The following RSPO2 variants were observed in gnomAD, a reference collection of about 807,000 sequenced individuals.
RSPO2 encodes the protein R-spondin-2.
Under a neutral mutation model 30.9 loss-of-function variants are expected in RSPO2, and 14 were observed. That is an observed-to-expected ratio of 0.45 (90% CI 0.30 to 0.71). The LOEUF (loss-of-function observed/expected upper bound fraction) is 0.71, where lower values mean the gene tolerates loss of function less well. RSPO2 is among the 30% of genes least tolerant of loss of function. The pLI, the probability that RSPO2 is intolerant of heterozygous loss-of-function variation, is 0.08. For synonymous variants in RSPO2, 107 were observed against 96.4 expected (o/e 1.11, Z -0.64); for missense variants, 264 against 301.9 (o/e 0.87, Z 0.93).
intron 2 of RSPO2, among the ~76,000 whole-genome samples, chr8:108,078,155 TAAAG>T (rs1011055284): frequency 4.6e-5 from 7 of 152,056 alleles, no homozygotes; most frequent in Non-Finnish European, 8.8e-5. Flanking sequence ...TAAAAGCAAA[TAAAG>T]AAAGCCCAGG....
chr8:107,987,274 T>C (rs1283581390), intron 3 of RSPO2, among the ~76,000 whole-genome samples: 1 of 152,184 alleles, frequency 6.6e-6, no homozygotes, highest in African/African-American at 2.4e-5. Context: ...ATAATAGCCT[T>C]CCTTTACTTT....
chr8:107,995,757 A>T (rs1037254074), intron 2 of RSPO2, among the ~76,000 whole-genome samples: 34 of 151,988 alleles, frequency 2.2e-4, no homozygotes, highest in African/African-American at 8.2e-4. Context: ...CACCTTTGTC[A>T]TTTCCATGAA....
chr8:107,996,288 G>A (rs985675004), intron 2 of RSPO2, among the ~76,000 whole-genome samples: 1 of 152,130 alleles, frequency 6.6e-6, no homozygotes, highest in Non-Finnish European at 1.5e-5. Context: ...CCTATGGAAT[G>A]ATATTTAGAG....
intron 2 of RSPO2, among the ~76,000 whole-genome samples, chr8:108,058,852 A>G (rs1274856810): frequency 6.6e-6 from 1 of 151,726 alleles, no homozygotes; most frequent in Admixed American, 6.6e-5. Context: ...TTAATTCAAG[A>G]TGGATTAAGT....
chr8:108,011,712 ACC>A (rs1810716647), intron 2 of RSPO2, among the ~76,000 whole-genome samples: 1 of 152,224 alleles, frequency 6.6e-6, no homozygotes, highest in Non-Finnish European at 1.5e-5. Flanking sequence ...TGCCGTTTGA[ACC>A]ACATGCATGG....
intron 5 of RSPO2, among the ~76,000 whole-genome samples, chr8:107,953,245 G>A (rs1813312578): frequency 1.3e-5 from 2 of 152,184 alleles, no homozygotes; most frequent in African/African-American, 2.4e-5. Flanking sequence ...AAAGATGAAT[G>A]TTGGATGTGG....
At chr8:107,931,092 G>T (rs1365077789) in intron 5 of RSPO2, among the ~76,000 whole-genome samples, 1 of 152,102 alleles carries the variant, frequency 6.6e-6, no homozygotes, top group Non-Finnish European at 1.5e-5. Context: ...AAAAACATAT[G>T]ATAGGAAATT....
intron 2 of RSPO2, among the ~76,000 whole-genome samples, chr8:108,080,624 G>C (rs897704247): frequency 4.6e-5 from 7 of 152,208 alleles, no homozygotes; most frequent in Non-Finnish European, 8.8e-5. Context: ...GGCCGCAGGA[G>C]TGCTGTAATG....
chr8:107,973,017 TC>T (rs1814055513), intron 3 of RSPO2, among the ~76,000 whole-genome samples: 1 of 152,210 alleles, frequency 6.6e-6, no homozygotes, highest in Admixed American at 6.5e-5. Context: ...ACGCCTGTAA[TC>T]CCAGCACTTT....
At chr8:107,913,212 T>G (rs562931273) in intron 5 of RSPO2, among the ~76,000 whole-genome samples, 2 of 152,286 alleles carry the variant, frequency 1.3e-5, no homozygotes, top group East Asian at 3.9e-4. Context: ...GCTTACCCTC[T>G]TGTCCATTAT....
chr8:107,955,573 A>T lies in RSPO2; in HGVS notation c.616+2507T>A, dbSNP rs200565960. On this transcript the variant is annotated intron_variant, in intron 5 of 5. Transcript: ENST00000276659. ...TCCAGATATTATTTGATTTTTTTTA[A>T]AAAAAGAAAGCAAATAAGCATATAA... Among the ~76,000 whole-genome samples the T allele has an allele frequency of 1.2e-4, 18 of 152,126 alleles. No homozygotes were observed. The East Asian group carries it at 1.9e-3, about 16-fold the overall frequency.
intron 2 of RSPO2, among the ~76,000 whole-genome samples, chr8:108,056,685 T>A (rs1812258665): frequency 6.7e-6 from 1 of 150,132 alleles, no homozygotes; most frequent in South Asian, 2.1e-4. Context: ...ACACTATGCC[T>A]GGCACATAGT....
intron 5 of RSPO2, among the ~76,000 whole-genome samples, chr8:107,925,379 GTTTT>G (rs541040370): frequency 1.4e-5 from 2 of 145,218 alleles, no homozygotes; most frequent in East Asian, 2.0e-4. Context: ...AAGGATTTGT[GTTTT>G]TTTTCTTTTA....
intron 3 of RSPO2, among the ~76,000 whole-genome samples, chr8:107,962,449 A>G (rs1813658624): frequency 6.6e-6 from 1 of 152,210 alleles, no homozygotes; most frequent in South Asian, 2.1e-4. Flanking sequence ...CCAAATTTAT[A>G]AACAGAACAC....
At position 107,899,504 on chromosome 8, in the gene RSPO2, T is replaced by C. The variant is rs1377447707; in HGVS notation, c.*1571A>G. The stretch of plus-strand genomic sequence containing the variant: ...ACCCTAAAGTTGTATACAACATTCA[T>C]ATGTGGCTTATTATCTCATAGCAAT... On this transcript the variant is annotated 3_prime_UTR_variant, in exon 6 of 6. Transcript: ENST00000276659. The C allele has an allele frequency of 1.3e-5, 2 of 152,648 alleles. No individual in the cohort carries two copies. The highest frequency in any genetic ancestry group is 2.9e-5 in the Non-Finnish European group (2 of 68,038). 9.5% of individuals were successfully genotyped at this position (152,648 alleles called of 1,614,324 possible). A position where few individuals can be genotyped will look rare whatever the true frequency, so the allele number is the denominator to read the frequency against.
At chr8:107,926,131 T>C (rs1812361581) in intron 5 of RSPO2, among the ~76,000 whole-genome samples, 1 of 152,212 alleles carries the variant, frequency 6.6e-6, no homozygotes, top group East Asian at 1.9e-4. Context: ...ATTGTGGTTT[T>C]GATTTGCATT....
intron 2 of RSPO2, among the ~76,000 whole-genome samples, chr8:108,062,831 C>A (rs1812517368): frequency 6.6e-6 from 1 of 151,806 alleles, no homozygotes; most frequent in Non-Finnish European, 1.5e-5. Context: ...AGCTTATCCA[C>A]CATGATCAAG....
intron 5 of RSPO2, among the ~76,000 whole-genome samples, chr8:107,904,542 C>T (rs552450444): frequency 2.6e-4 from 40 of 152,072 alleles, no homozygotes; most frequent in Admixed American, 1.3e-4. Context: ...CAGATCTTTT[C>T]AGCACTGTTA....
intron 5 of RSPO2, among the ~76,000 whole-genome samples, chr8:107,926,870 G>C (rs1812393732): frequency 6.6e-6 from 1 of 152,144 alleles, no homozygotes; most frequent in South Asian, 2.1e-4. Flanking sequence ...GATTGACTTA[G>C]CAATGCGAGC....
Sources: gnomAD v4.1 joint callset for allele counts (sites outside exome capture counted in the v4.1 genomes callset) on GRCh38, gnomAD v4.1.1 for gene constraint, MANE v1.5 for transcripts, NCBI Gene and HGNC (gene_info 2026-07-23, HGNC 2026-07-21) for gene names.